ASIC2: variants seen among roughly 807,000 people sequenced by gnomAD.
ASIC2 encodes acid-sensing ion channel 2.
Under a neutral mutation model 57.3 loss-of-function variants are expected in ASIC2, and 25 were observed. That is an observed-to-expected ratio of 0.44 (90% CI 0.32 to 0.61). The LOEUF (loss-of-function observed/expected upper bound fraction) is 0.61. Among genes scored for constraint, ASIC2 ranks in the 20% least tolerant of loss-of-function variants. The pLI is 0.06. For synonymous variants in ASIC2, 319 were observed against 307.5 expected (o/e 1.04, Z -0.39); for missense variants, 641 against 738.1 (o/e 0.87, Z 1.52).
intron 1 of ASIC2, among the ~76,000 whole-genome samples, chr17:33,380,527 G>A (rs1041789980): frequency 3.3e-5 from 5 of 152,168 alleles, no homozygotes; most frequent in Non-Finnish European, 7.3e-5. Context: ...AACAGCCCAC[G>A]ACAGAGACCC....
chr17:33,520,485 T>C (rs1321189333), intron 1 of ASIC2, among the ~76,000 whole-genome samples: 1 of 152,182 alleles, frequency 6.6e-6, no homozygotes, highest in African/African-American at 2.4e-5. Flanking sequence ...CACGAGGAGC[T>C]GGAAGGATAG....
chr17:33,865,918 T>C (rs2637340), intron 1 of ASIC2, among the ~76,000 whole-genome samples: 110,095 of 151,872 alleles, frequency 0.72, 40,242 homozygotes, highest in Admixed American at 0.81. Flanking sequence ...CTAATCACTA[T>C]TTTCTTCCTT....
rs147434956 is a variant in ASIC2, at chr17:33,916,745, C to G, written c.555+239233G>C. Among the ~76,000 whole-genome samples the G allele has an allele frequency of 1.5e-3, 234 of 152,286 alleles. 1 individual carries two copies. The highest frequency in any genetic ancestry group is 5.5e-3 in the African/African-American group (227 of 41,560). On this transcript the variant is annotated intron_variant, in intron 1 of 9. Coordinates refer to the ASIC2 transcript ENST00000359872. ...CAAGGTTTCAGGATTCAAGGACTGA[C>G]AGCAAAGAGATGCCACTAGCAGAGG...
At chr17:33,538,572 C>A (rs1056013385) in intron 1 of ASIC2, among the ~76,000 whole-genome samples, 1 of 152,242 alleles carries the variant, frequency 6.6e-6, no homozygotes, top group South Asian at 2.1e-4. Context: ...CCCAGTTCCT[C>A]TGACTCAGCC....
intron 1 of ASIC2, among the ~76,000 whole-genome samples, chr17:33,985,324 G>A (rs1327169236): frequency 6.6e-6 from 1 of 152,114 alleles, no homozygotes; most frequent in African/African-American, 2.4e-5. Context: ...TTAGAATCCA[G>A]CATTTCTCAA....
intron 1 of ASIC2, among the ~76,000 whole-genome samples, chr17:33,578,224 T>C (rs745568101): frequency 3.9e-5 from 6 of 152,180 alleles, no homozygotes; most frequent in Non-Finnish European, 8.8e-5. Flanking sequence ...TGATGAGACG[T>C]TCTGAATGCC....
At chr17:33,558,126 G>T (rs1020888155) in intron 1 of ASIC2, among the ~76,000 whole-genome samples, 1 of 151,858 alleles carries the variant, frequency 6.6e-6, no homozygotes, top group African/African-American at 2.4e-5. Context: ...CAGGGTTGGT[G>T]GGTTTCTCCC....
chr17:33,891,566 T>C (rs1444381223), intron 1 of ASIC2, among the ~76,000 whole-genome samples: 1 of 152,172 alleles, frequency 6.6e-6, no homozygotes, highest in East Asian at 1.9e-4. Context: ...AAAAACTAAC[T>C]TTTCTTTGAG....
chr17:33,953,452 T>C (rs886486739), intron 1 of ASIC2, among the ~76,000 whole-genome samples: 1 of 152,202 alleles, frequency 6.6e-6, no homozygotes, highest in Non-Finnish European at 1.5e-5. Context: ...CGTAATTTTG[T>C]ATATATTATC....
At chr17:33,993,466 T>C (rs995538352) in intron 1 of ASIC2, among the ~76,000 whole-genome samples, 2 of 152,170 alleles carry the variant, frequency 1.3e-5, no homozygotes, top group African/African-American at 4.8e-5. Flanking sequence ...TATTTTTCTC[T>C]CTTTAAAGGA....
chr17:33,970,458 C>T (rs1905196543), intron 1 of ASIC2, among the ~76,000 whole-genome samples: 5 of 152,186 alleles, frequency 3.3e-5, no homozygotes, highest in Admixed American at 6.5e-5. Context: ...ACACACTGCT[C>T]CCCTGCTGAG....
At chr17:34,145,628 G>A (rs1912395275) in intron 1 of ASIC2, among the ~76,000 whole-genome samples, 1 of 152,086 alleles carries the variant, frequency 6.6e-6, no homozygotes. Flanking sequence ...TCTGCTCCCT[G>A]GCTTCACACA....
chr17:33,342,070 GT>G (rs1907740867), intron 1 of ASIC2, among the ~76,000 whole-genome samples: 1 of 152,220 alleles, frequency 6.6e-6, no homozygotes, highest in African/African-American at 2.4e-5. Context: ...AAAAGAGAAT[GT>G]GCTGTGAACA....
chr17:33,868,023 T>C (rs941037306), intron 1 of ASIC2, among the ~76,000 whole-genome samples: 2 of 152,214 alleles, frequency 1.3e-5, no homozygotes, highest in Non-Finnish European at 2.9e-5. Context: ...AGAAGGTTTT[T>C]CTGCAGTAAG....
intron 1 of ASIC2, among the ~76,000 whole-genome samples, chr17:33,706,345 C>T (rs994978809): frequency 2.0e-5 from 3 of 151,684 alleles, no homozygotes; most frequent in Admixed American, 2.0e-4. Flanking sequence ...TCAGCCTCCC[C>T]AGTAGCTGGG....
chr17:34,027,430 T>C (rs1157223529), intron 1 of ASIC2, among the ~76,000 whole-genome samples: 3 of 152,200 alleles, frequency 2.0e-5, no homozygotes, highest in Non-Finnish European at 4.4e-5. Context: ...GGAGGGATGC[T>C]GCCCCCCTAT....
rs1457293078 is a variant in ASIC2 at position 33,907,492 on chromosome 17, T to C, written c.555+248486A>G. ...CTCAATGGTCTCTGAAAATGATCTC[T>C]CTTTGTCATCTAGTTTTGCTTCCCA... On this transcript the variant is annotated intron_variant, in intron 1 of 9. Transcript: ENST00000359872. 2.6e-5 allele frequency among the ~76,000 whole-genome samples: 4 copies of C among 152,162 alleles called. No individual in the cohort carries two copies. In the South Asian group the frequency reaches 8.3e-4, roughly 32 times the overall value.
At chr17:33,569,754 A>C (rs1916369300) in intron 1 of ASIC2, among the ~76,000 whole-genome samples, 1 of 152,142 alleles carries the variant, frequency 6.6e-6, no homozygotes, top group African/African-American at 2.4e-5. Context: ...CCATCCATCC[A>C]TACATGTATC....
rs3030213 is a variant in ASIC2 at position 33,706,204 on chromosome 17, CATATATATAT to C, written c.555+449764_555+449773del. 7.3e-3 allele frequency among the ~76,000 whole-genome samples: 1,023 copies of C among 140,756 alleles called. 17 individuals carry two copies. The highest frequency in any genetic ancestry group is 0.025 in the African/African-American group (972 of 38,914). The allele number at this position is 140,756 out of a possible 152,430, so 92.3% of individuals were successfully genotyped here. A position where few individuals can be genotyped will look rare whatever the true frequency, so the allele number is the denominator to read the frequency against. ...TGTGTATGACTATACATATATGATT[CATATATATAT>C]ATATATATATATATATGTATATTTT... On this transcript the variant is annotated intron_variant, in intron 1 of 9. Transcript: ENST00000359872.
Sources: gnomAD v4.1 joint callset for allele counts (sites outside exome capture counted in the v4.1 genomes callset) on GRCh38, gnomAD v4.1.1 for gene constraint, MANE v1.5 for transcripts, NCBI Gene and HGNC (gene_info 2026-07-23, HGNC 2026-07-21) for gene names.